Variants in SESN2 observed in about 807,000 individuals in gnomAD.
SESN2 encodes the protein sestrin 2.
In SESN2, 42 loss-of-function variants were observed where a neutral mutation model predicts 56.0. The ratio of observed to expected loss-of-function variants is 0.75; its 90% CI spans 0.59 to 0.97. SESN2 has a LOEUF of 0.97. SESN2 is among the 50% of genes least tolerant of loss of function. The pLI, the probability that SESN2 is intolerant of heterozygous loss-of-function variation, is 0.00. For missense variants in SESN2, 507 were observed against 649.4 expected, an observed-to-expected ratio of 0.78 and a Z score of 2.38; for synonymous variants, 264 against 267.1, an observed-to-expected ratio of 0.99 and a Z score of 0.11.
intron 8 of SESN2, among the ~76,000 whole-genome samples, chr1:28,277,378 G>A (rs1265445340): frequency 6.6e-6 from 1 of 152,008 alleles, no homozygotes; most frequent in Non-Finnish European, 1.5e-5. Context: ...ACCATGCCCA[G>A]CTAATTTTTG....
intron 1 of SESN2, among the ~76,000 whole-genome samples, chr1:28,262,492 G>A (rs946426364): frequency 1.3e-5 from 2 of 151,662 alleles, no homozygotes; most frequent in Middle Eastern, 3.2e-3. Flanking sequence ...TTAGCCAGGC[G>A]TGGTGGTGTG....
Position 28,280,854 on chromosome 1 carries a change from C to A in SESN2, c.*52C>A. The A allele has an allele frequency of 1.4e-6, 2 of 1,404,970 alleles. No individual in the cohort carries two copies. The highest frequency in any genetic ancestry group is 1.1e-5 in the South Asian group (1 of 86,996). The allele number at this position is 1,404,970 out of a possible 1,614,324, so 87.0% of individuals were successfully genotyped here. ...CAGCTCCCCACAAGGACTTCTCTGT[C>A]TGGAGACAGCCCCAGACCCTTTTGT... On this transcript the variant is annotated 3_prime_UTR_variant, in exon 10 of 10. Transcript: ENST00000253063.
At chr1:28,269,955 G>A (rs1278600991) in intron 2 of SESN2, among the ~76,000 whole-genome samples, 1 of 152,190 alleles carries the variant, frequency 6.6e-6, no homozygotes, top group African/African-American at 2.4e-5. Flanking sequence ...CCATTATGGA[G>A]CTTACATTCT....
intron 1 of SESN2, among the ~76,000 whole-genome samples, chr1:28,268,584 G>A (rs1477320686): frequency 6.6e-6 from 1 of 151,844 alleles, no homozygotes; most frequent in Non-Finnish European, 1.5e-5. Flanking sequence ...AGAATCGCTT[G>A]AACCCAGGAG....
chr1:28,277,292 T>A (rs1648087804), intron 8 of SESN2, among the ~76,000 whole-genome samples: 1 of 151,290 alleles, frequency 6.6e-6, no homozygotes, highest in African/African-American at 2.4e-5. Flanking sequence ...AACCTCCAGC[T>A]CCTGAGCTCA....
At chr1:28,266,652 T>A (rs1011820101) in intron 1 of SESN2, among the ~76,000 whole-genome samples, 1 of 149,848 alleles carries the variant, frequency 6.7e-6, no homozygotes, top group Non-Finnish European at 1.5e-5. Context: ...CTCAAACTCC[T>A]GGGCTCAGGC....
At chr1:28,279,523 G>A (rs1648161785) in intron 9 of SESN2, among the ~76,000 whole-genome samples, 1 of 151,982 alleles carries the variant, frequency 6.6e-6, no homozygotes, top group African/African-American at 2.4e-5. Flanking sequence ...GTGACTTTCG[G>A]CAAGTCACAT....
At chr1:28,267,245 C>T (rs896798911) in intron 1 of SESN2, among the ~76,000 whole-genome samples, 2 of 152,156 alleles carry the variant, frequency 1.3e-5, no homozygotes, top group Non-Finnish European at 2.9e-5. Flanking sequence ...CAGCCTGGCC[C>T]GGAAGTTCCC....
At chr1:28,276,249 C>A (rs1648036714) in intron 8 of SESN2, among the ~76,000 whole-genome samples, 2 of 152,094 alleles carry the variant, frequency 1.3e-5, no homozygotes, top group South Asian at 4.1e-4. Flanking sequence ...GAGGCTGAAG[C>A]AGGAGGATTA....
intron 1 of SESN2, among the ~76,000 whole-genome samples, chr1:28,267,797 C>A (rs1193852035): frequency 6.6e-6 from 1 of 152,182 alleles, no homozygotes; most frequent in Non-Finnish European, 1.5e-5. Flanking sequence ...CTCCCATCAG[C>A]CTTGTACACC....
chr1:28,272,546 T>C (rs369929532), intron 4 of SESN2, 35 bp from the exon 5 acceptor site: 1 of 1,610,650 alleles, frequency 6.2e-7, no homozygotes, highest in African/African-American at 1.3e-5. Context: ...GGGCAGGCAC[T>C]GAGCAGCTCT....
chr1:28,269,037 C>T (rs961223586), intron 1 of SESN2, 146 bp from the exon 2 acceptor site: 1 of 554,818 alleles, frequency 1.8e-6, no homozygotes, highest in African/African-American at 1.9e-5. Context: ...GTATATCTCC[C>T]ATCTGGCTCC....
chr1:28,268,599 A>AGCTG (rs1332854836), intron 1 of SESN2, among the ~76,000 whole-genome samples: 1 of 151,600 alleles, frequency 6.6e-6, no homozygotes, highest in Non-Finnish European at 1.5e-5. Context: ...CAGGAGGCAG[A>AGCTG]GGTTGCAATG....
chr1:28,259,808 C>A lies in SESN2; in HGVS notation c.-40C>A. ...TCCCTCCGAAACCCACTCGGGTGCA[C>A]GGGTCGTCGGCGAGCCGCGACCGGG... On this transcript the variant is annotated 5_prime_UTR_variant, in exon 1 of 10. Coordinates refer to ENST00000253063, the MANE Select transcript of SESN2 (RefSeq NM_031459.5). 7.4e-7 allele frequency: 1 copy of A among 1,353,352 alleles called. No homozygotes were observed. The highest frequency in any genetic ancestry group is 9.5e-7 in the Non-Finnish European group (1 of 1,048,072). 83.8% of individuals were successfully genotyped at this position (1,353,352 alleles called of 1,614,324 possible). A position where few individuals can be genotyped will look rare whatever the true frequency, so the allele number is the denominator to read the frequency against.
intron 1 of SESN2, among the ~76,000 whole-genome samples, chr1:28,264,528 T>G (rs1385825430): frequency 6.7e-6 from 1 of 150,170 alleles, no homozygotes; most frequent in African/African-American, 2.5e-5. Flanking sequence ...CTAGCTGTTA[T>G]TTTGGACAGG....
chr1:28,271,567 G>A, intron 2 of SESN2, 107 bp from the exon 3 acceptor site: 1 of 762,304 alleles, frequency 1.3e-6, no homozygotes, highest in Non-Finnish European at 2.3e-6. Context: ...GGACACGGTG[G>A]TGGTTTTTAG....
chr1:28,268,924 G>T (rs560571680), intron 1 of SESN2, among the ~76,000 whole-genome samples: 8 of 152,124 alleles, frequency 5.3e-5, no homozygotes, highest in Non-Finnish European at 1.0e-4. Context: ...CCTTTTCCAG[G>T]ACCCTCCCAT....
intron 2 of SESN2, among the ~76,000 whole-genome samples, chr1:28,270,170 T>C (rs1647708185): frequency 6.6e-6 from 1 of 152,020 alleles, no homozygotes; most frequent in Non-Finnish European, 1.5e-5. Flanking sequence ...GCTAACACGG[T>C]GAAGCACCGT....
chr1:28,260,190 C>T (rs977009065), intron 1 of SESN2, among the ~76,000 whole-genome samples: 1 of 151,104 alleles, frequency 6.6e-6, no homozygotes, highest in African/African-American at 2.4e-5. Flanking sequence ...CACCGCCCCA[C>T]CCCAGGGCCG....
Sources: gnomAD v4.1 joint callset for allele counts (sites outside exome capture counted in the v4.1 genomes callset) on GRCh38, gnomAD v4.1.1 for gene constraint, MANE v1.5 for transcripts, NCBI Gene and HGNC (gene_info 2026-07-23, HGNC 2026-07-21) for gene names.